The following SIL1 variants were observed in gnomAD, a reference collection of about 807,000 sequenced individuals.
The protein encoded by SIL1 is nucleotide exchange factor SIL1.
SIL1 carries 40 observed loss-of-function variants against 49.1 expected under a neutral mutation model. The ratio of observed to expected loss-of-function variants is 0.81; its 90% CI spans 0.63 to 1.06. The LOEUF is 1.06. Ranked by LOEUF, SIL1 falls within the 50% of genes least tolerant of loss-of-function variation. The pLI, the probability that SIL1 is intolerant of heterozygous loss-of-function variation, is 0.00. For synonymous variants in SIL1, 253 were observed against 250.8 expected, an observed-to-expected ratio of 1.01 and a Z score of -0.08; for missense variants, 500 against 572.6, an observed-to-expected ratio of 0.87 and a Z score of 1.29.
intron 4 of SIL1, among the ~76,000 whole-genome samples, chr5:139,046,143 A>G (rs997906375): frequency 6.6e-6 from 1 of 152,206 alleles, no homozygotes; most frequent in African/African-American, 2.4e-5. Context: ...CCTGGCCAAC[A>G]TGGTGAAACT....
In SIL1 at chr5:139,078,919, G is replaced by T. The variant is rs560557043; in HGVS notation, c.245-27873C>A. 2.7e-3 allele frequency among the ~76,000 whole-genome samples: 410 copies of T among 152,316 alleles called. 3 individuals carry two copies. The highest frequency in any genetic ancestry group is 9.5e-3 in the African/African-American group (395 of 41,560). On this transcript the variant is annotated intron_variant, in intron 3 of 9. Transcript: ENST00000394817. ...CCAGCACTGTCCAATAGAACTTTCTGCAATGACAGAAATGTTCTATATCTA... is the reference window on the plus strand; with the variant it reads ...CCAGCACTGTCCAATAGAACTTTCTTCAATGACAGAAATGTTCTATATCTA...
intron 3 of SIL1, among the ~76,000 whole-genome samples, chr5:139,066,046 A>G (rs1269748608): frequency 6.6e-6 from 1 of 152,206 alleles, no homozygotes; most frequent in Non-Finnish European, 1.5e-5. Flanking sequence ...TCAGGAGATC[A>G]TGAGACCCAG....
intron 7 of SIL1, among the ~76,000 whole-genome samples, chr5:138,971,963 TC>T (rs1356436549): frequency 6.6e-6 from 1 of 152,096 alleles, no homozygotes; most frequent in Non-Finnish European, 1.5e-5. Flanking sequence ...CAAAGCAGCT[TC>T]CCTTCTCAAG....
chr5:138,951,939 G>A, intron 7 of SIL1, 55 bp from the exon 8 acceptor site: 1 of 1,501,990 alleles, frequency 6.7e-7, no homozygotes, highest in Non-Finnish European at 9.2e-7. Context: ...GGGATCGGAT[G>A]GTCAGGGAAC....
intron 6 of SIL1, among the ~76,000 whole-genome samples, chr5:139,026,064 TCC>T (rs1768643642): frequency 2.6e-5 from 4 of 152,142 alleles, no homozygotes; most frequent in Admixed American, 6.5e-5. Flanking sequence ...AAATGTCACA[TCC>T]TCTGAGAAGC....
At chr5:139,160,174 CACACACACACACAA>C (rs1751483606) in intron 1 of SIL1, among the ~76,000 whole-genome samples, 2 of 150,808 alleles carry the variant, frequency 1.3e-5, no homozygotes, top group African/African-American at 4.9e-5. Context: ...CACACACACA[CACACACACACACAA>C]AAGTTATAGC....
intron 7 of SIL1, among the ~76,000 whole-genome samples, chr5:138,966,011 T>G (rs1266502463): frequency 6.6e-6 from 1 of 152,080 alleles, no homozygotes; most frequent in Non-Finnish European, 1.5e-5. Flanking sequence ...CAATAAATTA[T>G]GTGGTCACCC....
intron 5 of SIL1, among the ~76,000 whole-genome samples, chr5:139,027,377 T>C (rs1039868405): frequency 2.6e-5 from 4 of 152,190 alleles, no homozygotes; most frequent in Non-Finnish European, 5.9e-5. Flanking sequence ...CACACCCTAC[T>C]TCTCCACTTC....
chr5:139,076,258 CTT>C (rs1252435190), intron 3 of SIL1, among the ~76,000 whole-genome samples: 18 of 152,216 alleles, frequency 1.2e-4, no homozygotes. Context: ...CTATTTCTCT[CTT>C]GTGTTTTGTT....
intron 1 of SIL1, among the ~76,000 whole-genome samples, chr5:139,193,257 G>A (rs769044022): frequency 6.6e-6 from 1 of 152,180 alleles, no homozygotes; most frequent in East Asian, 1.9e-4. Context: ...CAGTACATCT[G>A]TGGTATTAAA....
chr5:139,038,937 C>T (rs1007420073), intron 5 of SIL1, among the ~76,000 whole-genome samples: 12 of 152,198 alleles, frequency 7.9e-5, no homozygotes, highest in African/African-American at 2.7e-4. Context: ...AGTAAAAAAC[C>T]ATGTTGGTGC....
At chr5:139,032,746 T>C (rs983812645) in intron 5 of SIL1, 1 of 152,254 alleles carries the variant, frequency 6.6e-6, no homozygotes, top group Non-Finnish European at 1.5e-5. Context: ...TTAATGGTTA[T>C]AGGACTACTC....
chr5:139,060,314 G>C (rs949307717), intron 3 of SIL1, among the ~76,000 whole-genome samples: 2 of 32,412 alleles, frequency 6.2e-5, no homozygotes, highest in East Asian at 2.6e-3. Context: ...ACCAGGATTT[G>C]AGGTGTTTAT....
chr5:139,121,193 G>C lies in SIL1; in HGVS notation c.106-20C>G, dbSNP rs1466349544. ...CTCCTTCTGAGAAAAGAAAACACAG[G>C]GCATGACCCACTGCAACTAGGCGCC... On this transcript the variant is annotated intron_variant, in intron 2 of 9. Coordinates refer to ENST00000394817, the MANE Select transcript of SIL1 (RefSeq NM_022464.5). 1 of 1,613,670 alleles carries C rather than the reference G, an allele frequency of 6.2e-7. No homozygotes were observed. Among genetic ancestry groups the C allele is most frequent in the Non-Finnish European group, 8.5e-7 (1 of 1,179,896 alleles).
intron 7 of SIL1, among the ~76,000 whole-genome samples, chr5:138,981,998 A>G (rs1235317692): frequency 3.3e-5 from 5 of 152,236 alleles, no homozygotes; most frequent in African/African-American, 1.2e-4. Context: ...TTCTCCATGC[A>G]TAAAATGGAA....
chr5:138,951,583 C>T (rs1197015688), intron 8 of SIL1, among the ~76,000 whole-genome samples: 4 of 152,340 alleles, frequency 2.6e-5, no homozygotes, highest in African/African-American at 9.6e-5. Context: ...GGCCCAAGGC[C>T]ACAGCACAGG....
intron 5 of SIL1, among the ~76,000 whole-genome samples, chr5:139,031,871 G>T (rs1476652250): frequency 2.0e-5 from 3 of 152,086 alleles, no homozygotes; most frequent in Non-Finnish European, 2.9e-5. Context: ...ATTTTTAGGG[G>T]AGCAACTGTA....
chr5:139,078,578 G>C (rs1253645420), intron 3 of SIL1, among the ~76,000 whole-genome samples: 3 of 152,218 alleles, frequency 2.0e-5, no homozygotes, highest in Admixed American at 6.5e-5. Context: ...CAGGCCAGCT[G>C]CACTACCAGT....
rs575120043 is a variant in SIL1 at position 139,159,667 on chromosome 5, A to G, written c.-10-31814T>C. Among the ~76,000 whole-genome samples, 4 of 152,306 alleles carry G rather than the reference A, an allele frequency of 2.6e-5. No individual in the cohort carries two copies. In the South Asian group the frequency reaches 8.3e-4, roughly 32 times the overall value. ...ACAAGTTCCTCTTAGAGAAGTGCCT[A>G]TTCTTTATAACACAGTTGTGCTTGT... On this transcript the variant is annotated intron_variant, in intron 1 of 9. Transcript: ENST00000394817.
Sources: gnomAD v4.1 joint callset for allele counts (sites outside exome capture counted in the v4.1 genomes callset) on GRCh38, gnomAD v4.1.1 for gene constraint, MANE v1.5 for transcripts, NCBI Gene and HGNC (gene_info 2026-07-23, HGNC 2026-07-21) for gene names.